Variants in PNPT1 observed in about 807,000 individuals in gnomAD.
PNPT1 encodes the protein polyribonucleotide nucleotidyltransferase 1, mitochondrial.
In PNPT1, 53 loss-of-function variants were observed where a neutral mutation model predicts 119.5. That is an observed-to-expected ratio of 0.44 (90% CI 0.36 to 0.56). The LOEUF (loss-of-function observed/expected upper bound fraction) is 0.56. PNPT1 is among the 20% of genes least tolerant of loss of function. The pLI is 0.00. For missense variants in PNPT1, 948 were observed against 938.5 expected (o/e 1.01, Z -0.13); for synonymous variants, 357 against 322.1 (o/e 1.11, Z -1.16).
intron 10 of PNPT1, 55 bp downstream of exon 10, chr2:55,671,940 T>A: frequency 7.6e-7 from 1 of 1,322,826 alleles, no homozygotes; most frequent in Non-Finnish European, 1.1e-6. Flanking sequence ...ACATGAGTTA[T>A]GACAAAAATG....
intron 13 of PNPT1, 30 bp downstream of exon 13, chr2:55,666,961 C>T (rs1256068125): frequency 1.4e-6 from 2 of 1,427,960 alleles, no homozygotes; most frequent in Non-Finnish European, 1.9e-6. Context: ...CTTAATTTAG[C>T]AAATAATTAG....
At chr2:55,658,401 C>CATGGAAG (rs2104080515) in intron 15 of PNPT1, among the ~76,000 whole-genome samples, 1 of 152,198 alleles carries the variant, frequency 6.6e-6, no homozygotes, top group South Asian at 2.1e-4. Context: ...GGATGAAGAA[C>CATGGAAG]ATGGAGGGGC....
chr2:55,678,017 A>G (rs1697135072), intron 8 of PNPT1, among the ~76,000 whole-genome samples: 1 of 152,186 alleles, frequency 6.6e-6, no homozygotes, highest in Non-Finnish European at 1.5e-5. Context: ...CTGGGATTAC[A>G]GGCGTGAGCC....
At position 55,636,283 on chromosome 2, in the gene PNPT1, ATAC is replaced by A; in HGVS notation, c.2303_2305del (p.Ser768del). On this transcript the variant is annotated inframe_deletion, in exon 28 of 28. Coordinates refer to ENST00000447944, the MANE Select transcript of PNPT1 (RefSeq NM_033109.5). ...CTGTGAAATAGGTTCTCCCATTACA[ATAC>A]TACTTCTGTCATTCAAAGTTCTGAC... is the stretch of plus-strand genomic sequence containing the variant. 6.2e-7 allele frequency: 1 copy of A among 1,613,852 alleles called. No individual in the cohort carries two copies. The highest frequency in any genetic ancestry group is 8.5e-7 in the Non-Finnish European group (1 of 1,179,790).
intron 18 of PNPT1, among the ~76,000 whole-genome samples, chr2:55,654,256 CAA>C (rs1376567034): frequency 1.7e-4 from 18 of 108,804 alleles, no homozygotes; most frequent in South Asian, 6.7e-4. Flanking sequence ...GACTCTGTCT[CAA>C]AAAAAAAAAA....
chr2:55,681,464 A>G (rs1001744217), intron 5 of PNPT1, among the ~76,000 whole-genome samples: 18 of 152,146 alleles, frequency 1.2e-4, no homozygotes, highest in Admixed American at 9.8e-4. Context: ...TCCTATGAGA[A>G]TCAGATAAAT....
At position 55,686,798 on chromosome 2, in the gene PNPT1, C is replaced by T. The variant is rs915160462; in HGVS notation, c.223-354G>A. Among the ~76,000 whole-genome samples the T allele has an allele frequency of 1.1e-4, 17 of 152,268 alleles. No homozygotes were observed. The East Asian group carries it at 2.5e-3, about 22-fold the overall frequency. On this transcript the variant is annotated intron_variant, in intron 2 of 27. Transcript: ENST00000447944. ...AAAAGCACAACAGAATTTATTAACG[C>T]ATAAAACAGAAGCCCAAGTTTGGAA...
chr2:55,672,858 C>A, intron 9 of PNPT1, 35 bp downstream of exon 9: 1 of 1,535,710 alleles, frequency 6.5e-7, no homozygotes, highest in Non-Finnish European at 8.8e-7. Flanking sequence ...AATCTGATGA[C>A]AATTTCATAT....
Position 55,684,927 on chromosome 2 carries a change from T to C in PNPT1, c.403+16A>G. 6.5e-7 allele frequency: 1 copy of C among 1,535,252 alleles called. No individual in the cohort carries two copies. The highest frequency in any genetic ancestry group is 8.8e-7 in the Non-Finnish European group (1 of 1,130,432). On this transcript the variant is annotated intron_variant, in intron 4 of 27. Transcript: ENST00000447944. ...GCATACCAGAGAAGATGAACGCCTC[T>C]ATGTTAATATCTTACCTATTATTCG...
At chr2:55,655,193 T>A (rs578034537) in intron 17 of PNPT1, among the ~76,000 whole-genome samples, 11 of 152,350 alleles carry the variant, frequency 7.2e-5, no homozygotes, top group African/African-American at 2.4e-4. Context: ...ATAAATTTAA[T>A]TCTTCAACTA....
At chr2:55,660,550 C>G (rs1696531775) in intron 14 of PNPT1, among the ~76,000 whole-genome samples, 1 of 152,188 alleles carries the variant, frequency 6.6e-6, no homozygotes, top group Non-Finnish European at 1.5e-5. Flanking sequence ...CAATGCTTCT[C>G]CCAGTCAATA....
chr2:55,661,091 C>CTTTTTTTTTTTTT (rs1171064705), intron 14 of PNPT1, among the ~76,000 whole-genome samples: 2 of 71,600 alleles, frequency 2.8e-5, no homozygotes, highest in Non-Finnish European at 5.0e-5. Flanking sequence ...AATAGAGATT[C>CTTTTTTTTTTTTT]TTTTTTTTTT....
rs1406752184 is a variant in PNPT1 at position 55,671,342 on chromosome 2, A to G, written c.953T>C (p.Leu318Ser). Reference sequence around the variant, plus strand: ...ACCTTTTAGTTGTTCCTCCGTATCTAATCTTATTTTGTTAACAGCTTCATC... The same window carrying G: ...ACCTTTTAGTTGTTCCTCCGTATCTGATCTTATTTTGTTAACAGCTTCATC... ...SRDEAVNKIR[L>S]DTEEQLKEKF... is the part of the protein sequence containing the mutation. The change falls in exon 11 of 28, where the codon TTA (leucine) becomes TCA (serine). Residue 318 changes from leucine to serine, a missense_variant. By Grantham distance (145) the Leu-to-Ser change is moderately radical (BLOSUM62 -2). Transcript: ENST00000447944. 1.3e-6 allele frequency: 2 copies of G among 1,546,382 alleles called. No homozygotes were observed. Among genetic ancestry groups the G allele is most frequent in the South Asian group, 1.3e-5 (1 of 79,616 alleles).
intron 7 of PNPT1, 22 bp from the exon 8 acceptor site, chr2:55,679,817 G>C (rs775458424): frequency 1.3e-6 from 2 of 1,517,530 alleles, no homozygotes; most frequent in Non-Finnish European, 1.8e-6. Flanking sequence ...TAGAATATTG[G>C]CAACTGTTTA....
At chr2:55,670,043 G>A (rs1696860392) in intron 11 of PNPT1, among the ~76,000 whole-genome samples, 1 of 152,026 alleles carries the variant, frequency 6.6e-6, no homozygotes. Flanking sequence ...ACAGGCATGA[G>A]CCACCACGCC....
intron 5 of PNPT1, among the ~76,000 whole-genome samples, chr2:55,682,962 A>T (rs898579819): frequency 6.6e-6 from 1 of 152,214 alleles, no homozygotes; most frequent in Admixed American, 6.5e-5. Flanking sequence ...ATATTCTTGC[A>T]AAGGCATATT....
intron 9 of PNPT1, among the ~76,000 whole-genome samples, chr2:55,672,640 G>C (rs1696949449): frequency 6.6e-6 from 1 of 152,188 alleles, no homozygotes; most frequent in African/African-American, 2.4e-5. Context: ...GACGTGGAGA[G>C]ATGTGGTGCT....
chr2:55,677,987 T>G (rs782622), intron 8 of PNPT1, among the ~76,000 whole-genome samples: 67,238 of 151,938 alleles, frequency 0.44, 15,709 homozygotes, highest in Non-Finnish European at 0.51. Flanking sequence ...GTGATCTGCC[T>G]GCCTCGGCCT....
At chr2:55,688,742 A>AAAC (rs763018631) in intron 1 of PNPT1, among the ~76,000 whole-genome samples, 31 of 152,070 alleles carry the variant, frequency 2.0e-4, no homozygotes, top group South Asian at 1.2e-3. Context: ...AAACAAAACA[A>AAAC]AACAACAACA....
Sources: gnomAD v4.1 joint callset for allele counts (sites outside exome capture counted in the v4.1 genomes callset) on GRCh38, gnomAD v4.1.1 for gene constraint, MANE v1.5 for transcripts, NCBI Gene and HGNC (gene_info 2026-07-23, HGNC 2026-07-21) for gene names.